The following SETD1B variants were observed in gnomAD, a reference collection of about 807,000 sequenced individuals.
SETD1B encodes histone-lysine N-methyltransferase SETD1B.
A neutral mutation model predicts 148.0 loss-of-function variants in SETD1B; 7 were observed. That is an observed-to-expected ratio of 0.05 (90% CI 0.03 to 0.09). The LOEUF (loss-of-function observed/expected upper bound fraction) is 0.09, where lower values mean the gene tolerates loss of function less well. Among genes scored for constraint, SETD1B ranks in the 10% least tolerant of loss-of-function variants. SETD1B has a pLI of 1.00. For synonymous variants in SETD1B, 1,361 were observed against 1,186.5 expected, an observed-to-expected ratio of 1.15 and a Z score of -3.02; for missense variants, 2,155 against 2,729.9, an observed-to-expected ratio of 0.79 and a Z score of 4.69.
chr12:121,826,976 A>C (rs1011453187), intron 13 of SETD1B, among the ~76,000 whole-genome samples: 4 of 151,998 alleles, frequency 2.6e-5, no homozygotes, highest in Non-Finnish European at 5.9e-5. Context: ...CTTGGTGGGC[A>C]TGTGGGTATG....
the SETD1B span, chr12:121,797,814 G>A: frequency 2.8e-6 from 1 of 350,884 alleles, no homozygotes; most frequent in South Asian, 2.1e-5. Flanking sequence ...CAGGTTTCAG[G>A]GAGTATAGAA....
chr12:121,826,395 A>G (rs1207229552), intron 13 of SETD1B, among the ~76,000 whole-genome samples: 1 of 152,152 alleles, frequency 6.6e-6, no homozygotes, highest in East Asian at 1.9e-4. Flanking sequence ...TGCCAGAGAG[A>G]CTACAGAGAA....
chr12:121,825,857 G>A (rs1291540199), intron 13 of SETD1B, among the ~76,000 whole-genome samples: 1 of 152,102 alleles, frequency 6.6e-6, no homozygotes, highest in Non-Finnish European at 1.5e-5. Context: ...TGTTGGCCAG[G>A]TTGGTCTCGA....
intron 11 of SETD1B, among the ~76,000 whole-genome samples, chr12:121,820,966 C>T (rs1876539522): frequency 6.6e-6 from 1 of 152,190 alleles, no homozygotes; most frequent in Non-Finnish European, 1.5e-5. Flanking sequence ...ATGCGAAACC[C>T]ACTGTATATG....
chr12:121,797,831 G>T, the SETD1B span: 13 of 319,760 alleles, frequency 4.1e-5, no homozygotes, highest in Non-Finnish European at 5.0e-5. Flanking sequence ...AGAAGGAGGA[G>T]GCTTTTGGGA....
At position 121,832,620 on chromosome 12, in the gene SETD1B, TA is replaced by T; in HGVS notation, c.*2384del. The T allele has an allele frequency of 3.7e-6, 1 of 269,052 alleles. No individual in the cohort carries two copies. 16.7% of individuals were successfully genotyped at this position (269,052 alleles called of 1,614,324 possible). A position where few individuals can be genotyped will look rare whatever the true frequency, so the allele number is the denominator to read the frequency against. ...TACCATTGTATTATAGTAACTTTTA[TA>T]AAGCAAACCATAAATATACTGACTT... On this transcript the variant is annotated 3_prime_UTR_variant, in exon 17 of 17. Transcript: ENST00000604567.
At chr12:121,828,132 C>T (rs774785338) in intron 16 of SETD1B, 62 bp downstream of exon 16, 125 of 1,533,740 alleles carry the variant, frequency 8.2e-5, no homozygotes, top group Non-Finnish European at 1.1e-4. Context: ...GCTTCTGTGC[C>T]AGGAGGGCCT....
At chr12:121,796,475 G>A in the SETD1B span, among the ~76,000 whole-genome samples, 2 of 152,204 alleles carry the variant, frequency 1.3e-5, no homozygotes, top group Non-Finnish European at 2.9e-5. Flanking sequence ...CCCCAGTGAG[G>A]CTGGAGGCAA....
In SETD1B at chr12:121,805,858, G is replaced by C; in HGVS notation, c.297G>C (p.Pro99=). The change falls in exon 4 of 17, where the codon CCG becomes CCC. Residue 99 remains proline, a synonymous_variant. Transcript: ENST00000604567. This position sits in a 1 kb window ranked among gnomAD's most constrained non-coding sequence, Gnocchi z 4.2. ...KFKIDEFYVG[P]VPPKQVTFAK... ...AGATCGATGAGTTCTACGTGGGCCC[G>C]GTGCCTCCGAAGCAGGTGACATTTG... 1.3e-6 allele frequency: 2 copies of C among 1,551,492 alleles called. No individual in the cohort carries two copies. Among genetic ancestry groups the C allele is most frequent in the Non-Finnish European group, 1.7e-6 (2 of 1,146,952 alleles).
At chr12:121,815,202 G>A (rs1385077587) in intron 7 of SETD1B, among the ~76,000 whole-genome samples, 1 of 152,168 alleles carries the variant, frequency 6.6e-6, no homozygotes, top group African/African-American at 2.4e-5. Context: ...TGAGGTGGGA[G>A]GATTGCTTGA....
intron 6 of SETD1B, among the ~76,000 whole-genome samples, chr12:121,812,916 C>CT (rs1876108092): frequency 6.6e-6 from 1 of 152,250 alleles, no homozygotes; most frequent in Non-Finnish European, 1.5e-5. Context: ...GACCTCTGAT[C>CT]TTGCAACTTG....
chr12:121,800,826 C>G (rs1244554456), upstream of SETD1B: 1 of 151,010 alleles, frequency 6.6e-6, no homozygotes, highest in East Asian at 1.9e-4. Context: ...GCGCTGCGCC[C>G]CGCGGGCTCT....
At chr12:121,816,753 T>C (rs964160999) in intron 7 of SETD1B, among the ~76,000 whole-genome samples, 6 of 152,338 alleles carry the variant, frequency 3.9e-5, no homozygotes, top group East Asian at 3.9e-4. Context: ...CCCTATGGTG[T>C]AGTTTTTGGA....
chr12:121,815,712 C>T (rs1422250935), intron 7 of SETD1B, among the ~76,000 whole-genome samples: 1 of 151,936 alleles, frequency 6.6e-6, no homozygotes, highest in Admixed American at 6.6e-5. Context: ...AGTTTCACCA[C>T]GTTGCCCAGG....
chr12:121,829,837 G>A (rs555696290), intron 16 of SETD1B, among the ~76,000 whole-genome samples: 31 of 152,298 alleles, frequency 2.0e-4, no homozygotes, highest in African/African-American at 2.4e-5. Flanking sequence ...CTTGTACTAC[G>A]AATGGAAATG....
intron 16 of SETD1B, among the ~76,000 whole-genome samples, chr12:121,829,029 C>T (rs1876971285): frequency 6.6e-6 from 1 of 151,738 alleles, no homozygotes; most frequent in South Asian, 2.1e-4. Flanking sequence ...GTTCAAAGGC[C>T]CTGGGGCAGT....
the SETD1B span, chr12:121,793,464 C>T: frequency 6.5e-7 from 1 of 1,537,740 alleles, no homozygotes; most frequent in Non-Finnish European, 8.7e-7. Flanking sequence ...GGGCGTCCCT[C>T]GCCCCCACCC....
Position 121,810,935 on chromosome 12 carries a change from G to A in SETD1B, c.1890+100G>A. Reference sequence around the variant, plus strand: ...TAGCATGACTAGCTAAGATGCGGAAGCAATGGGGCTAGGAAAGCCAATATA... The same window carrying A: ...TAGCATGACTAGCTAAGATGCGGAAACAATGGGGCTAGGAAAGCCAATATA... On this transcript the variant is annotated intron_variant, in intron 6 of 16. Transcript: ENST00000604567. This position sits in a 1 kb window ranked among gnomAD's most constrained non-coding sequence, Gnocchi z 7.6. 7.2e-7 allele frequency: 1 copy of A among 1,379,630 alleles called. No homozygotes were observed. Among genetic ancestry groups the A allele is most frequent in the East Asian group, 2.6e-5 (1 of 38,948 alleles). The allele number at this position is 1,379,630 out of a possible 1,614,324, so 85.5% of individuals were successfully genotyped here.
At chr12:121,797,605 G>A in the SETD1B span, 1 of 456,542 alleles carries the variant, frequency 2.2e-6, no homozygotes. Context: ...TTGGATCCAG[G>A]GAGGGGAGAA....
Sources: gnomAD v4.1 joint callset for allele counts (sites outside exome capture counted in the v4.1 genomes callset) on GRCh38, gnomAD v4.1.1 for gene constraint, Gnocchi (gnomAD v3.1) non-coding constraint, MANE v1.5 for transcripts, NCBI Gene and HGNC (gene_info 2026-07-23, HGNC 2026-07-21) for gene names.